NAV3: variants seen among roughly 807,000 people sequenced by gnomAD.
NAV3 encodes the protein neuron navigator 3, also known as pore membrane and/or filament interacting like protein 1.
Under a neutral mutation model 244.7 loss-of-function variants are expected in NAV3, and 87 were observed. The observed-to-expected ratio is 0.36, with a 90% CI of 0.30 to 0.42. The LOEUF is 0.42. NAV3 is among the 20% of genes least tolerant of loss of function. The pLI is 1.00. For synonymous variants in NAV3, 1,126 were observed against 1,042.2 expected (o/e 1.08, Z -1.55); for missense variants, 2,663 against 2,893.3 (o/e 0.92, Z 1.83).
At chr12:77,904,563 C>A (rs1278145310) in intron 1 of NAV3, among the ~76,000 whole-genome samples, 1 of 152,096 alleles carries the variant, frequency 6.6e-6, no homozygotes, top group African/African-American at 2.4e-5. Context: ...TTAATGGGTG[C>A]AGCACACCAA....
intron 9 of NAV3, among the ~76,000 whole-genome samples, chr12:78,022,366 G>A (rs1877305753): frequency 6.6e-6 from 1 of 152,092 alleles, no homozygotes; most frequent in Admixed American, 6.6e-5. Flanking sequence ...TGTATCAAAT[G>A]GGATGCTCAG....
chr12:77,616,815 G>A (rs1027163924), intron 2 of NAV3, among the ~76,000 whole-genome samples: 56 of 152,082 alleles, frequency 3.7e-4, no homozygotes, highest in African/African-American at 1.3e-3. Context: ...CTTATTGCTA[G>A]CTGTGTAGGT....
intron 7 of NAV3, among the ~76,000 whole-genome samples, chr12:78,001,394 A>G (rs1216629708): frequency 6.6e-6 from 1 of 152,204 alleles, no homozygotes; most frequent in Non-Finnish European, 1.5e-5. Context: ...TTCTTTAACA[A>G]CTCTGAGAGG....
intron 2 of NAV3, among the ~76,000 whole-genome samples, chr12:77,665,145 G>T (rs1039289795): frequency 6.6e-6 from 1 of 152,168 alleles, no homozygotes; most frequent in Non-Finnish European, 1.5e-5. Flanking sequence ...TTGACCTTTT[G>T]TAGTTTATAA....
chr12:78,188,764 T>C lies in NAV3; in HGVS notation c.6042T>C (p.Thr2014=). ...TTGTTGGAGATAATAACATCATCACTGTGAACCTCAAAGGTAAAAGCAATA... is the reference window on the plus strand; with the variant it reads ...TTGTTGGAGATAATAACATCATCACCGTGAACCTCAAAGGTAAAAGCAATA... ...GYLVGDNNII[T]VNLKGVEENS... is the part of the protein sequence containing the mutation. The change falls in exon 33 of 40, where the codon ACT becomes ACC. Residue 2014 remains threonine, a synonymous_variant. Transcript: ENST00000397909. 2 of 1,611,410 alleles carry C rather than the reference T, an allele frequency of 1.2e-6. No homozygotes were observed. Among genetic ancestry groups the C allele is most frequent in the Non-Finnish European group, 1.7e-6 (2 of 1,178,398 alleles).
chr12:77,830,938 G>A lies in NAV3; in HGVS notation c.-524G>A, dbSNP rs1279547802. On this transcript the variant is annotated 5_prime_UTR_variant, in exon 1 of 40. Coordinates refer to ENST00000397909, the MANE Select transcript of NAV3 (RefSeq NM_001024383.2). ...GTCCTTCCACTGTTGTGGTCTTTTG[G>A]CTGCTCTGACAGTTGGACTGAAGGG... 6.6e-6 allele frequency: 1 copy of A among 152,056 alleles called. No homozygotes were observed. Among genetic ancestry groups the A allele is most frequent in the Non-Finnish European group, 1.5e-5 (1 of 68,030 alleles). The allele number at this position is 152,056 out of a possible 1,614,324, so 9.4% of individuals were successfully genotyped here.
intron 20 of NAV3, among the ~76,000 whole-genome samples, chr12:78,140,826 T>C (rs914169813): frequency 6.6e-6 from 1 of 151,804 alleles, no homozygotes; most frequent in Non-Finnish European, 1.5e-5. Context: ...CAGAGATGTT[T>C]TTTTTTAAAT....
intron 1 of NAV3, among the ~76,000 whole-genome samples, chr12:77,902,607 A>C (rs1344418522): frequency 6.6e-6 from 1 of 151,950 alleles, no homozygotes; most frequent in Non-Finnish European, 1.5e-5. Flanking sequence ...CTCTCTCACC[A>C]CTCCTATTCA....
intron 28 of NAV3, 121 bp downstream of exon 28, chr12:78,177,806 GT>G: frequency 1.2e-6 from 1 of 861,278 alleles, no homozygotes; most frequent in Non-Finnish European, 1.7e-6. Flanking sequence ...TTCTCTTTCT[GT>G]TTTTTCAACT....
At chr12:77,611,580 C>T (rs1408255821) in intron 2 of NAV3, among the ~76,000 whole-genome samples, 1 of 151,666 alleles carries the variant, frequency 6.6e-6, no homozygotes, top group Non-Finnish European at 1.5e-5. Flanking sequence ...TCTCAATCAC[C>T]AGTTCTACTC....
chr12:78,017,941 G>A (rs1345537032), intron 8 of NAV3, among the ~76,000 whole-genome samples: 1 of 152,064 alleles, frequency 6.6e-6, no homozygotes, highest in Non-Finnish European at 1.5e-5. Flanking sequence ...ATTATGAGGT[G>A]GAAATACTAG....
At chr12:78,209,699 CAT>C (rs1309478038) in intron 39 of NAV3, among the ~76,000 whole-genome samples, 1 of 152,176 alleles carries the variant, frequency 6.6e-6, no homozygotes, top group African/African-American at 2.4e-5. Flanking sequence ...CTAGAACAAA[CAT>C]TACCATTCTC....
intron 2 of NAV3, among the ~76,000 whole-genome samples, chr12:77,597,614 A>T (rs971533612): frequency 6.6e-6 from 1 of 152,130 alleles, no homozygotes; most frequent in Non-Finnish European, 1.5e-5. Flanking sequence ...TTGACCAAAT[A>T]TTGGGTGTTG....
At chr12:77,993,842 C>T (rs879513939) in intron 5 of NAV3, among the ~76,000 whole-genome samples, 15 of 152,094 alleles carry the variant, frequency 9.9e-5, no homozygotes, top group Admixed American at 7.9e-4. Flanking sequence ...GCACAGCAAC[C>T]GGATTCATGT....
intron 2 of NAV3, among the ~76,000 whole-genome samples, chr12:77,627,037 G>A (rs2136900084): frequency 1.3e-5 from 2 of 152,234 alleles, no homozygotes; most frequent in South Asian, 4.1e-4. Flanking sequence ...TCACCTATCA[G>A]TAACATCCTA....
rs573572746 is a variant in NAV3, at chr12:77,876,109, A to G, written c.243+44405A>G. On this transcript the variant is annotated intron_variant, in intron 1 of 39. Coordinates refer to ENST00000397909, the MANE Select transcript of NAV3 (RefSeq NM_001024383.2). ...ATGCTTCTCTCAGTATTTTATAGCC[A>G]TGATTTTATGTATTACATCATTATA... Among the ~76,000 whole-genome samples the G allele has an allele frequency of 4.2e-4, 64 of 152,228 alleles. No homozygotes were observed. The East Asian group carries it at 0.011, about 26-fold the overall frequency.
At chr12:77,949,999 AT>A (rs1348701846) in intron 3 of NAV3, among the ~76,000 whole-genome samples, 3 of 152,032 alleles carry the variant, frequency 2.0e-5, no homozygotes, top group Non-Finnish European at 4.4e-5. Flanking sequence ...TTGATGGCTC[AT>A]TTCTTTTAAG....
intron 2 of NAV3, among the ~76,000 whole-genome samples, chr12:77,633,282 AG>A (rs1287605293): frequency 6.6e-6 from 1 of 152,110 alleles, no homozygotes; most frequent in East Asian, 1.9e-4. Flanking sequence ...ATCGTTTCAA[AG>A]ATTAATCATC....
intron 2 of NAV3, among the ~76,000 whole-genome samples, chr12:77,737,809 T>C (rs1319215957): frequency 6.6e-6 from 1 of 152,218 alleles, no homozygotes; most frequent in Non-Finnish European, 1.5e-5. Context: ...GTTCTAGACA[T>C]ATGTGTGTTT....
Sources: allele counts gnomAD v4.1 joint callset (sites outside exome capture counted in the v4.1 genomes callset), GRCh38; gene constraint gnomAD v4.1.1; transcripts MANE v1.5; gene names NCBI Gene and HGNC (gene_info 2026-07-23, HGNC 2026-07-21).